ABCA4: variants seen among roughly 807,000 people sequenced by gnomAD.
ABCA4 encodes retinal-specific phospholipid-transporting ATPase ABCA4.
In ABCA4, 196 loss-of-function variants were observed where a neutral mutation model predicts 263.7. The ratio of observed to expected loss-of-function variants is 0.74; its 90% confidence interval spans 0.66 to 0.84. The LOEUF (loss-of-function observed/expected upper bound fraction) is 0.84. Ranked by LOEUF, ABCA4 falls within the 40% of genes least tolerant of loss-of-function variation. The probability of loss-of-function intolerance (pLI) is 0.00; values close to 1 mark genes in which losing one functional copy is unlikely to be tolerated. For missense variants in ABCA4, 2,792 were observed against 2,855.1 expected (o/e 0.98, Z 0.50); for synonymous variants, 1,133 against 1,094.2 (o/e 1.04, Z -0.70).
At position 94,021,850 on chromosome 1, in the gene ABCA4, C is replaced by T. The variant is rs568632498; in HGVS notation, c.4769G>A (p.Ser1590Asn). 1 of 1,614,170 alleles carries T rather than the reference C, an allele frequency of 6.2e-7. No homozygotes were observed. Among genetic ancestry groups the T allele is most frequent in the Admixed American group, 1.7e-5 (1 of 60,026 alleles). The change falls in exon 33 of 50, where the codon AGC becomes AAC. Residue 1590 changes from serine (S) to asparagine (N), a missense_variant. By Grantham distance (46) the Ser-to-Asn change is conservative (BLOSUM62 1). Transcript: ENST00000370225. ...ATCTCCAGTCTGTTTACATACCCCG[C>T]TCACATTCATGATCCGGCCAAGGTC... ...LSDLGRIMNV[S>N]GGPITREASK...
At chr1:94,062,437 C>A in intron 13 of ABCA4, 140 bp downstream of exon 13, 1 of 965,612 alleles carries the variant, frequency 1.0e-6, no homozygotes, top group African/African-American at 1.6e-5. Context: ...AGTCAGAGCT[C>A]CATGCTCTCC....
chr1:94,030,306 C>T, intron 29 of ABCA4, 122 bp downstream of exon 29: 1 of 842,170 alleles, frequency 1.2e-6, no homozygotes, highest in Non-Finnish European at 2.0e-6. Flanking sequence ...TGGTCAGAGA[C>T]ATGGAAGTGA....
At chr1:94,076,307 T>C (rs1384939147) in intron 11 of ABCA4, among the ~76,000 whole-genome samples, 1 of 152,052 alleles carries the variant, frequency 6.6e-6, no homozygotes, top group Non-Finnish European at 1.5e-5. Context: ...CTAAGGGCTG[T>C]AAGCAGCTAG....
At chr1:94,093,797 C>T (rs1013865048) in intron 6 of ABCA4, among the ~76,000 whole-genome samples, 3 of 152,192 alleles carry the variant, frequency 2.0e-5, no homozygotes, top group Non-Finnish European at 4.4e-5. Context: ...TTTATTTCTT[C>T]TTTGTTGAAA....
intron 11 of ABCA4, among the ~76,000 whole-genome samples, chr1:94,076,573 C>T (rs1328009149): frequency 6.6e-6 from 1 of 151,560 alleles, no homozygotes; most frequent in East Asian, 1.9e-4. Context: ...AATGGGAATG[C>T]CTGTAGGCGT....
intron 11 of ABCA4, among the ~76,000 whole-genome samples, chr1:94,068,290 G>A (rs1199801568): frequency 6.6e-6 from 1 of 152,104 alleles, no homozygotes; most frequent in African/African-American, 2.4e-5. Context: ...AGCTAATCCC[G>A]AATGTCATCC....
chr1:94,022,229 A>G (rs1057051101), intron 32 of ABCA4, among the ~76,000 whole-genome samples: 3 of 152,154 alleles, frequency 2.0e-5, no homozygotes, highest in Non-Finnish European at 2.9e-5. Flanking sequence ...GGAGTGGCCT[A>G]TTCTGGACAT....
intron 2 of ABCA4, 25 bp downstream of exon 2, chr1:94,112,948 G>A (rs1662650772): frequency 6.3e-7 from 1 of 1,591,472 alleles, no homozygotes; most frequent in Non-Finnish European, 8.6e-7. Flanking sequence ...TTCAGGGCTT[G>A]CCCAAGCTAC....
chr1:94,052,833 A>G (rs1660874762), intron 16 of ABCA4, among the ~76,000 whole-genome samples: 1 of 152,198 alleles, frequency 6.6e-6, no homozygotes, highest in Non-Finnish European at 1.5e-5. Flanking sequence ...TTCCTGGCAG[A>G]AAGGAGTGTC....
chr1:94,060,400 G>C (rs886145718), intron 14 of ABCA4, 137 bp downstream of exon 14: 2 of 814,900 alleles, frequency 2.5e-6, no homozygotes, highest in Non-Finnish European at 4.2e-6. Flanking sequence ...TCCCACGTTG[G>C]CTAAAAGGAA....
chr1:94,019,526 A>G (rs1198365395), intron 36 of ABCA4, 56 bp downstream of exon 36: 2 of 1,537,214 alleles, frequency 1.3e-6, no homozygotes, highest in African/African-American at 2.7e-5. Context: ...CAGAGCACAC[A>G]CAAGCTCCAC....
chr1:94,014,433 C>T, intron 38 of ABCA4, 110 bp downstream of exon 38: 1 of 1,262,036 alleles, frequency 7.9e-7, no homozygotes, highest in Middle Eastern at 2.5e-4. Flanking sequence ...AAGTGGCACT[C>T]ATCCGCATAC....
At chr1:94,094,843 G>A (rs1662080313) in intron 6 of ABCA4, among the ~76,000 whole-genome samples, 1 of 152,178 alleles carries the variant, frequency 6.6e-6, no homozygotes, top group African/African-American at 2.4e-5. Context: ...CCTCTCACCC[G>A]AAACTGACAC....
At position 94,098,988 on chromosome 1, in the gene ABCA4, C is replaced by T. The variant is rs61748535; in HGVS notation, c.574G>A (p.Ala192Thr). ...INSQVRPEQF[A>T]HGVPDLALKD... ...AGCGCCAGGTCCGGGACTCCATGAG[C>T]GAACTGCAGGGAGAAGAGGCAACAC... The change falls in exon 6 of 50, where the codon GCT (alanine) becomes ACT (threonine). Residue 192 changes from alanine to threonine, a missense_variant. Transcript: ENST00000370225. The T allele has an allele frequency of 3.1e-4, 493 of 1,606,020 alleles. 3 individuals carry two copies. In the African/African-American group the frequency reaches 5.4e-3, roughly 18 times the overall value.
At chr1:94,072,724 C>T (rs939336073) in intron 11 of ABCA4, among the ~76,000 whole-genome samples, 4 of 152,036 alleles carry the variant, frequency 2.6e-5, no homozygotes, top group African/African-American at 7.2e-5. Flanking sequence ...ATTGGAAGGC[C>T]CATGGGAATG....
Position 94,008,862 on chromosome 1 carries a change from C to T in ABCA4, c.5724G>A (p.Glu1908=). Reference sequence around the variant, plus strand: ...CATCAACAATGGGCTCCTTAGTGGGCTCGGCAATCCTAGATGAAGAAAAGG... The same window carrying T: ...CATCAACAATGGGCTCCTTAGTGGGTTCGGCAATCCTAGATGAAGAAAAGG... ...RHFFLSQWIA[E]PTKEPIVDED... Residue 1908 remains glutamate (E), a synonymous_variant, in exon 41 of 50, where the codon GAG becomes GAA. Transcript: ENST00000370225. 3.1e-6 allele frequency: 5 copies of T among 1,612,790 alleles called. No individual in the cohort carries two copies. In the South Asian group the frequency reaches 4.4e-5, roughly 14 times the overall value.
intron 6 of ABCA4, among the ~76,000 whole-genome samples, chr1:94,094,513 T>G (rs1662069111): frequency 6.6e-6 from 1 of 152,146 alleles, no homozygotes; most frequent in African/African-American, 2.4e-5. Context: ...GGAAGCATTT[T>G]CAAAGGAAAA....
chr1:94,047,837 G>C (rs1374335598), intron 18 of ABCA4, among the ~76,000 whole-genome samples: 1 of 152,036 alleles, frequency 6.6e-6, no homozygotes, highest in African/African-American at 2.4e-5. Flanking sequence ...CCCTCACCGA[G>C]TGCTCTCACT....
intron 31 of ABCA4, 90 bp downstream of exon 31, chr1:94,024,864 C>T: frequency 8.3e-7 from 1 of 1,201,810 alleles, no homozygotes; most frequent in Non-Finnish European, 1.2e-6. Flanking sequence ...CCTGATCATA[C>T]ATAAATTGAG....
Sources: gnomAD v4.1 joint callset for allele counts (sites outside exome capture counted in the v4.1 genomes callset) on GRCh38, gnomAD v4.1.1 for gene constraint, MANE v1.5 for transcripts, NCBI Gene and HGNC (gene_info 2026-07-23, HGNC 2026-07-21) for gene names.